The following BMF variants were observed in gnomAD, a reference collection of about 807,000 sequenced individuals.
BMF encodes Bcl2 modifying factor.
In BMF, 10 loss-of-function variants were observed where a neutral mutation model predicts 22.0. That is an observed-to-expected ratio of 0.45 (90% CI 0.28 to 0.77). BMF has a LOEUF of 0.77. Among genes scored for constraint, BMF ranks in the 30% least tolerant of loss-of-function variants. The pLI, the probability that BMF is intolerant of heterozygous loss-of-function variation, is 0.13. For missense variants in BMF, 206 were observed against 226.8 expected (o/e 0.91, Z 0.59); for synonymous variants, 87 against 88.1 (o/e 0.99, Z 0.07).
chr15:40,105,629 G>A (rs548980183), intron 3 of BMF, among the ~76,000 whole-genome samples, 166 bp downstream of exon 3: 9 of 152,290 alleles, frequency 5.9e-5, no homozygotes, highest in Non-Finnish European at 4.4e-5. Flanking sequence ...TGAGGCACAG[G>A]TGAGGAGCAA....
chr15:40,091,666 A>G lies in BMF; in HGVS notation c.*121T>C. 1 of 771,974 alleles carries G rather than the reference A, an allele frequency of 1.3e-6. No individual in the cohort carries two copies. Among genetic ancestry groups the G allele is most frequent in the South Asian group, 1.8e-5 (1 of 54,080 alleles). 47.8% of individuals were successfully genotyped at this position (771,974 alleles called of 1,614,324 possible). ...GTACACTCAGAGAGAAATTAAAAAAAATTAAAACACAAAATAACAACAAAA... is the reference window on the plus strand; with the variant it reads ...GTACACTCAGAGAGAAATTAAAAAAGATTAAAACACAAAATAACAACAAAA... On this transcript the variant is annotated 3_prime_UTR_variant, in exon 5 of 5. Transcript: ENST00000354670.
intron 4 of BMF, among the ~76,000 whole-genome samples, chr15:40,097,593 G>A (rs569539): frequency 0.32 from 49,162 of 151,968 alleles, 8,203 homozygotes; most frequent in Middle Eastern, 0.46. Flanking sequence ...AGCAAATTAC[G>A]GTGTGACTTG....
intron 4 of BMF, among the ~76,000 whole-genome samples, chr15:40,099,780 CA>C (rs747996690): frequency 1.8e-3 from 114 of 64,410 alleles, no homozygotes; most frequent in African/African-American, 5.3e-3. Flanking sequence ...GCTGTCTCAC[CA>C]AAAAAAAAAA....
Position 40,106,860 on chromosome 15 carries a change from G to A in BMF, c.-5-769C>T, listed in dbSNP as rs903441761. On this transcript the variant is annotated intron_variant, in intron 2 of 4. Transcript: ENST00000354670. The surrounding 1 kb of genome is among the most constrained non-coding windows in gnomAD (Gnocchi z 4.1). ...CCACCAAAGTTTGGCCTAGAGGGTA[G>A]GTCCAGCCTCTCCCAACTAAGTCTC... Among the ~76,000 whole-genome samples, 1 of 152,152 alleles carries A rather than the reference G, an allele frequency of 6.6e-6. No individual in the cohort carries two copies. The highest frequency in any genetic ancestry group is 1.5e-5 in the Non-Finnish European group (1 of 68,026).
chr15:40,097,528 T>A (rs1284141639), intron 4 of BMF, among the ~76,000 whole-genome samples: 1 of 152,162 alleles, frequency 6.6e-6, no homozygotes, highest in Non-Finnish European at 1.5e-5. Context: ...GCAGCAGGTA[T>A]GGGGCGATTG....
chr15:40,092,115 A>C (rs147737955), intron 4 of BMF, among the ~76,000 whole-genome samples: 68 of 152,284 alleles, frequency 4.5e-4, no homozygotes, highest in African/African-American at 1.5e-3. Flanking sequence ...TAAAAAGAAA[A>C]GACTAGGCTC....
At chr15:40,101,089 C>A (rs890607017) in intron 4 of BMF, among the ~76,000 whole-genome samples, 5 of 152,182 alleles carry the variant, frequency 3.3e-5, no homozygotes, top group Admixed American at 2.6e-4. Context: ...GAAGAGAAAT[C>A]GATAAGGCCA....
chr15:40,091,957 T>C (rs1342626770), intron 4 of BMF, 69 bp from the exon 5 acceptor site: 1 of 1,218,028 alleles, frequency 8.2e-7, no homozygotes, highest in Non-Finnish European at 1.2e-6. Context: ...CCCTCTCATT[T>C]CCAGTAAAAG....
Position 40,091,748 on chromosome 15 carries a change from G to T in BMF, c.*39C>A. 2.1e-6 allele frequency: 3 copies of T among 1,428,174 alleles called. No homozygotes were observed. Among genetic ancestry groups the T allele is most frequent in the East Asian group, 2.3e-5 (1 of 42,666 alleles). The allele number at this position is 1,428,174 out of a possible 1,614,324, so 88.5% of individuals were successfully genotyped here. On this transcript the variant is annotated 3_prime_UTR_variant, in exon 5 of 5. Transcript: ENST00000354670. ...GCCCGATGTCCTTCCTGTTCCAGAC[G>T]GTGTTCCTGGTGCCCCATGTGAAGA...
In BMF at chr15:40,090,427, A is replaced by C. The variant is rs1225631316; in HGVS notation, c.*1360T>G. On this transcript the variant is annotated 3_prime_UTR_variant, in exon 5 of 5. Coordinates refer to ENST00000354670, the MANE Select transcript of BMF (RefSeq NM_001003940.2). The stretch of plus-strand genomic sequence containing the variant: ...AATGTTGTCTTTTCTCACATATGCA[A>C]AAGTTATAATTTAGTTTCTAGCGTC... The C allele has an allele frequency of 6.6e-6, 1 of 152,662 alleles. No homozygotes were observed. The highest frequency in any genetic ancestry group is 1.5e-5 in the Non-Finnish European group (1 of 68,050). The allele number at this position is 152,662 out of a possible 1,614,324, so 9.5% of individuals were successfully genotyped here.
At chr15:40,099,780 C>CAAA (rs747996690) in intron 4 of BMF, among the ~76,000 whole-genome samples, 107 of 64,220 alleles carry the variant, frequency 1.7e-3, no homozygotes, top group African/African-American at 5.1e-3. Flanking sequence ...GCTGTCTCAC[C>CAAA]AAAAAAAAAA....
rs540163292 is a variant in BMF at position 40,089,654 on chromosome 15, C to T, written c.*2133G>A. On this transcript the variant is annotated 3_prime_UTR_variant, in exon 5 of 5. Transcript: ENST00000354670. ...CTAAATCATTTTCTCTCTCACTGAA[C>T]TCAGGTGGAGAGTCTGCCAAAAGGG... The T allele has an allele frequency of 8.5e-5, 13 of 152,372 alleles. No homozygotes were observed. The highest frequency in any genetic ancestry group is 2.9e-4 in the African/African-American group (12 of 41,584). The allele number at this position is 152,372 out of a possible 1,614,324, so 9.4% of individuals were successfully genotyped here. A position where few individuals can be genotyped will look rare whatever the true frequency, so the allele number is the denominator to read the frequency against.
chr15:40,092,283 CCT>C (rs1403885292), intron 4 of BMF, among the ~76,000 whole-genome samples: 1 of 152,138 alleles, frequency 6.6e-6, no homozygotes, highest in Non-Finnish European at 1.5e-5. Context: ...GAAGTGCCCC[CCT>C]CTCTCCCCCG....
Position 40,090,611 on chromosome 15 carries a change from G to C in BMF, c.*1176C>G, listed in dbSNP as rs2036213042. The C allele has an allele frequency of 6.6e-6, 1 of 152,562 alleles. No individual in the cohort carries two copies. The highest frequency in any genetic ancestry group is 1.5e-5 in the Non-Finnish European group (1 of 68,060). The allele number at this position is 152,562 out of a possible 1,614,324, so 9.5% of individuals were successfully genotyped here. ...TGCCCTTCTGGCCTAGCTGGAAGCT[G>C]GAGGAAGATAGGAAATGTGTACCCA... On this transcript the variant is annotated 3_prime_UTR_variant, in exon 5 of 5. Transcript: ENST00000354670.
intron 4 of BMF, among the ~76,000 whole-genome samples, chr15:40,103,030 G>A (rs973583832): frequency 6.6e-6 from 1 of 152,146 alleles, no homozygotes; most frequent in Non-Finnish European, 1.5e-5. Flanking sequence ...TATGTAACCC[G>A]CAATGTCCTG....
rs932860456 is a variant in BMF at position 40,091,674 on chromosome 15, CACAAAATAACA to C, written c.*102_*112del. ...AGAGAGAAATTAAAAAAAATTAAAA[CACAAAATAACA>C]ACAAAAAAACAATTTCACAAGACAC... On this transcript the variant is annotated 3_prime_UTR_variant, in exon 5 of 5. Coordinates refer to ENST00000354670, the MANE Select transcript of BMF (RefSeq NM_001003940.2). The C allele has an allele frequency of 6.2e-6, 5 of 801,442 alleles. No individual in the cohort carries two copies. In the African/African-American group the frequency reaches 7.0e-5, roughly 11 times the overall value. The allele number at this position is 801,442 out of a possible 1,614,324, so 49.6% of individuals were successfully genotyped here. A position where few individuals can be genotyped will look rare whatever the true frequency, so the allele number is the denominator to read the frequency against.
rs1323546827 is a variant in BMF at position 40,091,746 on chromosome 15, AC to A, written c.*40del. ...CTGCCCGATGTCCTTCCTGTTCCAGACGGTGTTCCTGGTGCCCCATGTGAAG... is the reference window on the plus strand; with the variant it reads ...CTGCCCGATGTCCTTCCTGTTCCAGAGGTGTTCCTGGTGCCCCATGTGAAG... On this transcript the variant is annotated 3_prime_UTR_variant, in exon 5 of 5. Coordinates refer to ENST00000354670, the MANE Select transcript of BMF (RefSeq NM_001003940.2). 1 of 1,422,278 alleles carries A rather than the reference AC, an allele frequency of 7.0e-7. No homozygotes were observed. Among genetic ancestry groups the A allele is most frequent in the African/African-American group, 1.4e-5 (1 of 70,424 alleles). 88.1% of individuals were successfully genotyped at this position (1,422,278 alleles called of 1,614,324 possible). A position where few individuals can be genotyped will look rare whatever the true frequency, so the allele number is the denominator to read the frequency against.
At chr15:40,092,323 G>GA (rs922060079) in intron 4 of BMF, among the ~76,000 whole-genome samples, 6 of 152,090 alleles carry the variant, frequency 3.9e-5, no homozygotes, top group African/African-American at 1.5e-4. Context: ...AGAACAAGGG[G>GA]AAAGGGGGGG....
Position 40,089,211 on chromosome 15 carries a change from T to A in BMF, c.*2576A>T, listed in dbSNP as rs1363267740. On this transcript the variant is annotated 3_prime_UTR_variant, in exon 5 of 5. Coordinates refer to ENST00000354670, the MANE Select transcript of BMF (RefSeq NM_001003940.2). ...GGGATGGAGTCTGAGGGGGTGGAGG[T>A]CGGGGGGGAGGGGCAGGTCTCCTGA... The A allele has an allele frequency of 7.0e-6, 1 of 142,632 alleles. No homozygotes were observed. Among genetic ancestry groups the A allele is most frequent in the African/African-American group, 2.5e-5 (1 of 39,288 alleles). 8.8% of individuals were successfully genotyped at this position (142,632 alleles called of 1,614,324 possible). A position where few individuals can be genotyped will look rare whatever the true frequency, so the allele number is the denominator to read the frequency against.
Sources: gnomAD v4.1 joint callset for allele counts (sites outside exome capture counted in the v4.1 genomes callset) on GRCh38, gnomAD v4.1.1 for gene constraint, Gnocchi (gnomAD v3.1) non-coding constraint, MANE v1.5 for transcripts, NCBI Gene and HGNC (gene_info 2026-07-23, HGNC 2026-07-21) for gene names.